Variants in SLCO3A1 observed in about 807,000 individuals in gnomAD.
SLCO3A1 encodes solute carrier organic anion transporter family member 3A1, also known as PGE1 transporter.
In SLCO3A1, 27 loss-of-function variants were observed where a neutral mutation model predicts 63.1. The observed-to-expected ratio is 0.43, with a 90% CI of 0.32 to 0.59. The LOEUF (loss-of-function observed/expected upper bound fraction) is 0.59. Ranked by LOEUF, SLCO3A1 falls within the 20% of genes least tolerant of loss-of-function variation. The probability of loss-of-function intolerance (pLI) is 0.09; values close to 1 mark genes in which losing one functional copy is unlikely to be tolerated. For synonymous variants in SLCO3A1, 473 were observed against 409.9 expected (o/e 1.15, Z -1.86); for missense variants, 773 against 945.8 (o/e 0.82, Z 2.40).
At position 91,920,809 on chromosome 15, in the gene SLCO3A1, A is replaced by G. The variant is rs539551876; in HGVS notation, c.646+4351A>G. Among the ~76,000 whole-genome samples the G allele has an allele frequency of 3.3e-5, 5 of 152,298 alleles. No homozygotes were observed. In the South Asian group the frequency reaches 1.0e-3, roughly 32 times the overall value. On this transcript the variant is annotated intron_variant, in intron 2 of 9. Transcript: ENST00000318445. ...CATGAATAATCCCTATCCCTCTTCCATATTTTGATGGCTCCCCAAATAGTT... is the reference window on the plus strand; with the variant it reads ...CATGAATAATCCCTATCCCTCTTCCGTATTTTGATGGCTCCCCAAATAGTT...
intron 2 of SLCO3A1, among the ~76,000 whole-genome samples, chr15:92,068,872 A>G (rs968961490): frequency 2.0e-5 from 3 of 152,200 alleles, no homozygotes; most frequent in African/African-American, 4.8e-5. Flanking sequence ...GACACTGGAC[A>G]TTCAGAACCT....
chr15:92,059,325 C>T (rs940492750), intron 2 of SLCO3A1, among the ~76,000 whole-genome samples: 3 of 152,236 alleles, frequency 2.0e-5, no homozygotes, highest in Admixed American at 6.5e-5. Context: ...TTAGCTTTCT[C>T]TCTGCCCTCA....
chr15:91,989,872 A>G (rs1383209761), intron 2 of SLCO3A1, among the ~76,000 whole-genome samples: 1 of 152,242 alleles, frequency 6.6e-6, no homozygotes, highest in Non-Finnish European at 1.5e-5. Context: ...CCTCAGTTCT[A>G]ACATAATCAC....
intron 2 of SLCO3A1, among the ~76,000 whole-genome samples, chr15:91,947,048 T>C (rs1477750476): frequency 1.3e-5 from 2 of 152,356 alleles, no homozygotes; most frequent in East Asian, 1.9e-4. Flanking sequence ...CAAGCTCCTG[T>C]CATCGGGTCC....
chr15:92,135,532 G>A (rs1344761262), intron 7 of SLCO3A1, among the ~76,000 whole-genome samples: 3 of 152,158 alleles, frequency 2.0e-5, no homozygotes, highest in East Asian at 1.9e-4. Context: ...TGCCATTGGC[G>A]CCCTTTGTGA....
At chr15:92,108,352 T>G (rs2047689813) in intron 4 of SLCO3A1, among the ~76,000 whole-genome samples, 1 of 152,224 alleles carries the variant, frequency 6.6e-6, no homozygotes, top group African/African-American at 2.4e-5. Context: ...CTCCCTGATC[T>G]TGCATTTTGG....
At chr15:91,926,600 C>CGCGCGCGCGCGT (rs1281341560) in intron 2 of SLCO3A1, among the ~76,000 whole-genome samples, 369 of 26,794 alleles carry the variant, frequency 0.014, 6 homozygotes, top group African/African-American at 0.07. Context: ...TGTGTGTGCG[C>CGCGCGCGCGCGT]GCGCGCACGC....
chr15:91,868,054 T>A (rs67996714), intron 1 of SLCO3A1, among the ~76,000 whole-genome samples: 29,013 of 151,944 alleles, frequency 0.19, 3,180 homozygotes, highest in Middle Eastern at 0.31. Context: ...GCTTTTTTTT[T>A]AAATTTTTTT....
At chr15:92,068,908 T>C (rs1217752307) in intron 2 of SLCO3A1, among the ~76,000 whole-genome samples, 1 of 152,214 alleles carries the variant, frequency 6.6e-6, no homozygotes, top group Non-Finnish European at 1.5e-5. Context: ...GCCCCACCTG[T>C]AACACGCTGG....
chr15:91,872,178 T>C lies in SLCO3A1; in HGVS notation c.180+18090T>C, dbSNP rs1306924825. 6.6e-6 allele frequency among the ~76,000 whole-genome samples: 1 copy of C among 152,142 alleles called. No individual in the cohort carries two copies. Among genetic ancestry groups the C allele is most frequent in the Admixed American group, 6.5e-5 (1 of 15,274 alleles). ...TGATCGAACTCTCACACAAATCCCA[T>C]GCAGTAGATGTCATTATTTCTCTTT... On this transcript the variant is annotated intron_variant, in intron 1 of 9. Transcript: ENST00000318445. This position sits in a 1 kb window ranked among gnomAD's most constrained non-coding sequence, Gnocchi z 4.1.
chr15:92,078,423 T>C (rs12591961), intron 2 of SLCO3A1, among the ~76,000 whole-genome samples: 120,514 of 152,158 alleles, frequency 0.79, 47,846 homozygotes, highest in Admixed American at 0.89. Context: ...CAGGAGCTGC[T>C]GTGCTTCTTG....
chr15:91,991,747 C>T (rs1361126272), intron 2 of SLCO3A1, among the ~76,000 whole-genome samples: 1 of 152,228 alleles, frequency 6.6e-6, no homozygotes, highest in East Asian at 1.9e-4. Flanking sequence ...ACTAAACGCA[C>T]ATCTCAATTT....
chr15:92,152,678 T>C (rs1004372454), intron 9 of SLCO3A1, among the ~76,000 whole-genome samples: 8 of 152,202 alleles, frequency 5.3e-5, no homozygotes, highest in Non-Finnish European at 1.0e-4. Context: ...GGTGGATGTG[T>C]AATATTAACT....
chr15:91,924,579 G>A (rs1324431988), intron 2 of SLCO3A1, among the ~76,000 whole-genome samples: 1 of 152,282 alleles, frequency 6.6e-6, no homozygotes, highest in African/African-American at 2.4e-5. Flanking sequence ...GAATGTCACA[G>A]CCAGAAAAAA....
rs1491559460 is a variant in SLCO3A1, at chr15:91,857,030, G to GTGTGTGTC, written c.180+2949_180+2950insCTGTGTGT. Among the ~76,000 whole-genome samples, 12 of 19,396 alleles carry GTGTGTGTC rather than the reference G, an allele frequency of 6.2e-4. No individual in the cohort carries two copies. The African/African-American group carries it at 7.9e-3, about 13-fold the overall frequency. 12.7% of individuals were successfully genotyped at this position (19,396 alleles called of 152,430 possible). A position where few individuals can be genotyped will look rare whatever the true frequency, so the allele number is the denominator to read the frequency against. ...GAAGCAACTTTGAGAAGGAGGACTC[G>GTGTGTGTC]TGTGTGTGTGTGTGTGTGTGTGTGT... On this transcript the variant is annotated intron_variant, in intron 1 of 9. Transcript: ENST00000318445.
intron 7 of SLCO3A1, among the ~76,000 whole-genome samples, chr15:92,128,738 C>G (rs2047957235): frequency 6.6e-6 from 1 of 152,082 alleles, no homozygotes; most frequent in Non-Finnish European, 1.5e-5. Flanking sequence ...ATATATGGAA[C>G]CAAAGGAAAA....
At chr15:91,858,611 A>C (rs1896979784) in intron 1 of SLCO3A1, among the ~76,000 whole-genome samples, 1 of 152,186 alleles carries the variant, frequency 6.6e-6, no homozygotes. Flanking sequence ...CCTTATGAAA[A>C]GGATCGCCAA....
intron 2 of SLCO3A1, among the ~76,000 whole-genome samples, chr15:92,074,917 G>A: frequency 6.6e-6 from 1 of 152,196 alleles, no homozygotes; most frequent in East Asian, 1.9e-4. Context: ...CAGTGAGGTG[G>A]ATTCCGGGTC....
chr15:92,077,392 A>G (rs1385934808), intron 2 of SLCO3A1, among the ~76,000 whole-genome samples: 1 of 152,120 alleles, frequency 6.6e-6, no homozygotes, highest in East Asian at 1.9e-4. Context: ...TGATTACCAC[A>G]GACTCCCACA....
Sources: gnomAD v4.1 joint callset for allele counts (sites outside exome capture counted in the v4.1 genomes callset) on GRCh38, gnomAD v4.1.1 for gene constraint, Gnocchi (gnomAD v3.1) non-coding constraint, MANE v1.5 for transcripts, NCBI Gene and HGNC (gene_info 2026-07-23, HGNC 2026-07-21) for gene names.